CUL3: variants seen among roughly 807,000 people sequenced by gnomAD.
CUL3 encodes cullin 3.
CUL3 carries 19 observed loss-of-function variants against 89.1 expected under a neutral mutation model. The observed-to-expected ratio is 0.21, with a 90% confidence interval of 0.15 to 0.31. The LOEUF is 0.31. CUL3 is among the 10% of genes least tolerant of loss of function. The pLI, the probability that CUL3 is intolerant of heterozygous loss-of-function variation, is 1.00. For synonymous variants in CUL3, 351 were observed against 308.4 expected (o/e 1.14, Z -1.45); for missense variants, 469 against 942.3 (o/e 0.50, Z 6.58).
chr2:224,533,387 C>T (rs955404994), intron 3 of CUL3, among the ~76,000 whole-genome samples: 3 of 151,580 alleles, frequency 2.0e-5, no homozygotes, highest in Non-Finnish European at 4.4e-5. Context: ...AGATGAGGAA[C>T]CTGAGGGGTG....
intron 13 of CUL3, among the ~76,000 whole-genome samples, chr2:224,488,777 C>T (rs192251340): frequency 2.6e-5 from 4 of 152,272 alleles, no homozygotes; most frequent in Non-Finnish European, 5.9e-5. Context: ...CCAGCATCAT[C>T]CTGATACCAA....
At chr2:224,475,055 T>C (rs1449949410) in intron 15 of CUL3, among the ~76,000 whole-genome samples, 1 of 152,236 alleles carries the variant, frequency 6.6e-6, no homozygotes, top group Admixed American at 6.5e-5. Flanking sequence ...TCTTGCTCTG[T>C]TGCCCAGGCT....
chr2:224,550,245 T>G (rs988342441), intron 2 of CUL3, among the ~76,000 whole-genome samples: 1 of 152,240 alleles, frequency 6.6e-6, no homozygotes, highest in Non-Finnish European at 1.5e-5. Context: ...ATGAAATTTA[T>G]TTGTTTCATA....
rs150383430 is a variant in CUL3, at chr2:224,584,404, G to A, written c.66+540C>T. ...CCCAATGTTACTAGTTTATGACCACGGAGCATTCCGTGGAACCACTGTCAC... is the reference window on the plus strand; with the variant it reads ...CCCAATGTTACTAGTTTATGACCACAGAGCATTCCGTGGAACCACTGTCAC... On this transcript the variant is annotated intron_variant, in intron 1 of 15. Transcript: ENST00000264414. Among the ~76,000 whole-genome samples the A allele has an allele frequency of 5.5e-4, 84 of 152,240 alleles. 1 individual carries two copies. Among genetic ancestry groups the A allele is most frequent in the African/African-American group, 1.9e-3 (80 of 41,514 alleles).
At chr2:224,501,777 A>C (rs1435946932) in intron 10 of CUL3, among the ~76,000 whole-genome samples, 1 of 152,216 alleles carries the variant, frequency 6.6e-6, no homozygotes, top group African/African-American at 2.4e-5. Context: ...GGAGGGTCAC[A>C]AAGTGGACAG....
intron 2 of CUL3, among the ~76,000 whole-genome samples, chr2:224,539,525 A>G (rs1032842926): frequency 6.6e-6 from 1 of 152,246 alleles, no homozygotes; most frequent in Admixed American, 6.5e-5. Flanking sequence ...AACTTCATTC[A>G]TAATTGCCAC....
chr2:224,497,886 A>C, intron 11 of CUL3, 37 bp from the exon 12 acceptor site: 1 of 1,468,044 alleles, frequency 6.8e-7, no homozygotes, highest in Non-Finnish European at 9.5e-7. Flanking sequence ...AAAATCAAAC[A>C]AACTTACACA....
chr2:224,584,484 G>A (rs1449404077), intron 1 of CUL3, among the ~76,000 whole-genome samples: 1 of 152,100 alleles, frequency 6.6e-6, no homozygotes, highest in African/African-American at 2.4e-5. Flanking sequence ...GGCAGAGAGA[G>A]AGGGCAGCCC....
chr2:224,535,000 C>CT (rs1693831200), intron 3 of CUL3, among the ~76,000 whole-genome samples: 4 of 116,984 alleles, frequency 3.4e-5, no homozygotes, highest in Non-Finnish European at 5.4e-5. Context: ...GACCCCGTCT[C>CT]AAAATAAATA....
chr2:224,544,294 A>T (rs887837457), intron 2 of CUL3, among the ~76,000 whole-genome samples: 1 of 152,214 alleles, frequency 6.6e-6, no homozygotes, highest in African/African-American at 2.4e-5. Context: ...AATAATTGAC[A>T]GCCACTGGAT....
At chr2:224,578,082 G>A (rs1695350647) in intron 1 of CUL3, among the ~76,000 whole-genome samples, 2 of 152,114 alleles carry the variant, frequency 1.3e-5, no homozygotes, top group African/African-American at 4.8e-5. Flanking sequence ...GAAAGTGTTA[G>A]CTATTATTAT....
intron 2 of CUL3, among the ~76,000 whole-genome samples, chr2:224,549,316 G>A (rs771593878): frequency 4.9e-5 from 7 of 143,688 alleles, no homozygotes; most frequent in Non-Finnish European, 1.0e-4. Flanking sequence ...ACCTTGTCTC[G>A]GAAAATAAAT....
intron 1 of CUL3, among the ~76,000 whole-genome samples, chr2:224,574,408 T>C (rs1559241674): frequency 6.6e-6 from 1 of 152,226 alleles, no homozygotes; most frequent in Non-Finnish European, 1.5e-5. Context: ...CAATTTCCTA[T>C]TAACCGTTAT....
intron 1 of CUL3, among the ~76,000 whole-genome samples, chr2:224,564,014 G>A (rs990144566): frequency 4.6e-5 from 7 of 152,154 alleles, no homozygotes; most frequent in African/African-American, 1.7e-4. Context: ...TCGCCAGGGT[G>A]GTGGCTCACA....
intron 2 of CUL3, among the ~76,000 whole-genome samples, chr2:224,553,499 G>A (rs1166569832): frequency 6.6e-6 from 1 of 152,106 alleles, no homozygotes; most frequent in African/African-American, 2.4e-5. Flanking sequence ...TGTTTTGGGG[G>A]AATATATTAT....
chr2:224,520,191 G>A (rs1288750203), intron 3 of CUL3, among the ~76,000 whole-genome samples: 1 of 152,192 alleles, frequency 6.6e-6, no homozygotes, highest in East Asian at 1.9e-4. Flanking sequence ...AAAGGGATGT[G>A]AGTTTCATCA....
At chr2:224,567,722 A>C (rs1695079215) in intron 1 of CUL3, among the ~76,000 whole-genome samples, 1 of 150,970 alleles carries the variant, frequency 6.6e-6, no homozygotes, top group African/African-American at 2.4e-5. Context: ...CCTGGGCAAC[A>C]GAGTGAGACT....
chr2:224,511,614 C>T (rs2106216544), intron 5 of CUL3, 32 bp from the exon 6 acceptor site: 3 of 1,264,064 alleles, frequency 2.4e-6, no homozygotes, highest in African/African-American at 3.1e-5. Context: ...ATTTTTTAAA[C>T]ATAGAAGAAA....
At chr2:224,578,424 AAATGTT>A (rs1695359956) in intron 1 of CUL3, among the ~76,000 whole-genome samples, 1 of 152,130 alleles carries the variant, frequency 6.6e-6, no homozygotes, top group African/African-American at 2.4e-5. Context: ...AAACACATGA[AAATGTT>A]AATGTTGTTT....
Sources: gnomAD v4.1 joint callset for allele counts (sites outside exome capture counted in the v4.1 genomes callset) on GRCh38, gnomAD v4.1.1 for gene constraint, MANE v1.5 for transcripts, NCBI Gene and HGNC (gene_info 2026-07-23, HGNC 2026-07-21) for gene names.